Variants in PLEKHH2 observed in about 807,000 individuals in gnomAD.
The protein encoded by PLEKHH2 is pleckstrin homology domain-containing family H member 2.
PLEKHH2 carries 129 observed loss-of-function variants against 187.9 expected under a neutral mutation model. The observed-to-expected ratio is 0.69, with a 90% CI of 0.59 to 0.79. PLEKHH2 has a LOEUF of 0.79. PLEKHH2 is among the 30% of genes least tolerant of loss of function. PLEKHH2 has a pLI of 0.00. For missense variants in PLEKHH2, 2,076 were observed against 1,751.2 expected (o/e 1.19, Z -3.31); for synonymous variants, 686 against 605.6 (o/e 1.13, Z -1.95).
At chr2:43,671,176 C>A (rs746549244) in intron 2 of PLEKHH2, among the ~76,000 whole-genome samples, 1 of 151,438 alleles carries the variant, frequency 6.6e-6, no homozygotes, top group Non-Finnish European at 1.5e-5. Flanking sequence ...TAGTAGAGAC[C>A]GGGTTTTACC....
chr2:43,703,916 CTTTTTTTTTTTT>C (rs10530805), intron 8 of PLEKHH2, 53 bp from the exon 9 acceptor site: 111 of 387,370 alleles, frequency 2.9e-4, no homozygotes, highest in African/African-American at 4.0e-4. Context: ...TGAAAGTAGT[CTTTTTTTTTTTT>C]TTTTTTTTTT....
chr2:43,720,887 C>G lies in PLEKHH2; in HGVS notation c.2541+138C>G. The G allele has an allele frequency of 8.4e-6, 11 of 1,312,994 alleles. No individual in the cohort carries two copies. In the South Asian group the frequency reaches 1.7e-4, roughly 20 times the overall value. The allele number at this position is 1,312,994 out of a possible 1,614,324, so 81.3% of individuals were successfully genotyped here. A position where few individuals can be genotyped will look rare whatever the true frequency, so the allele number is the denominator to read the frequency against. On this transcript the variant is annotated intron_variant, in intron 16 of 29. Coordinates refer to ENST00000282406, the MANE Select transcript of PLEKHH2 (RefSeq NM_172069.4). ...TGAAATTTGGTATAATTTGGTGCAACTGAGAAAATCACACAAAGGTCTATC... is the reference window on the plus strand; with the variant it reads ...TGAAATTTGGTATAATTTGGTGCAAGTGAGAAAATCACACAAAGGTCTATC...
chr2:43,683,281 G>A (rs1049665813), intron 3 of PLEKHH2, among the ~76,000 whole-genome samples: 2 of 151,732 alleles, frequency 1.3e-5, no homozygotes, highest in African/African-American at 4.8e-5. Flanking sequence ...GAGTAGCTGG[G>A]ATTACAGGCA....
intron 25 of PLEKHH2, among the ~76,000 whole-genome samples, chr2:43,756,691 C>T (rs1672222905): frequency 6.6e-6 from 1 of 152,116 alleles, no homozygotes; most frequent in Non-Finnish European, 1.5e-5. Flanking sequence ...CTCACGCTTG[C>T]AATCCCAACA....
At chr2:43,740,889 G>C (rs1368071051) in intron 20 of PLEKHH2, 57 bp from the exon 21 acceptor site, 1 of 1,595,572 alleles carries the variant, frequency 6.3e-7, no homozygotes, top group Admixed American at 1.7e-5. Flanking sequence ...CACTCACTCA[G>C]ATGTGGATCT....
chr2:43,713,792 C>T (rs528246121), intron 15 of PLEKHH2, among the ~76,000 whole-genome samples: 83 of 151,760 alleles, frequency 5.5e-4, no homozygotes, highest in African/African-American at 1.8e-3. Context: ...TTCATGTACT[C>T]TGATTATGTA....
chr2:43,754,205 C>CACAAAAAAA (rs1553353833), intron 25 of PLEKHH2, among the ~76,000 whole-genome samples: 1 of 143,078 alleles, frequency 7.0e-6, no homozygotes, highest in African/African-American at 2.7e-5. Context: ...CACACACACA[C>CACAAAAAAA]AAAATTAATA....
chr2:43,699,495 A>T, intron 7 of PLEKHH2, 152 bp from the exon 8 acceptor site: 1 of 891,980 alleles, frequency 1.1e-6, no homozygotes, highest in South Asian at 1.8e-5. Context: ...ATCCTGCCTC[A>T]GCCTCCCAAG....
intron 16 of PLEKHH2, among the ~76,000 whole-genome samples, chr2:43,723,868 G>A (rs1231632155): frequency 6.6e-6 from 1 of 152,132 alleles, no homozygotes; most frequent in East Asian, 1.9e-4. Context: ...TAGACCGGAG[G>A]GAATAAGGAG....
At position 43,712,230 on chromosome 2, in the gene PLEKHH2, C is replaced by G. The variant is rs1322119293; in HGVS notation, c.2307C>G (p.Thr769=). 6.2e-7 allele frequency: 1 copy of G among 1,612,106 alleles called. No homozygotes were observed. The highest frequency in any genetic ancestry group is 1.1e-5 in the South Asian group (1 of 91,004). Residue 769 remains threonine, a synonymous_variant, in exon 15 of 30, where the codon ACC becomes ACG. Transcript: ENST00000282406. ...CCTTTCTCGTTGCATTCTAGTTGAC[C>G]ACTGAAAAACACACATACTATCTGA... ...RGDNKQTVQL[T]TEKHTYYLTA...
intron 19 of PLEKHH2, among the ~76,000 whole-genome samples, chr2:43,733,418 C>T (rs1332096937): frequency 6.6e-6 from 1 of 151,842 alleles, no homozygotes; most frequent in African/African-American, 2.4e-5. Context: ...TTCTCCTCCA[C>T]TCCTCCAGCC....
At chr2:43,653,198 C>T (rs1666574584) in intron 2 of PLEKHH2, among the ~76,000 whole-genome samples, 1 of 151,884 alleles carries the variant, frequency 6.6e-6, no homozygotes, top group Admixed American at 6.6e-5. Flanking sequence ...TACCAAGAAC[C>T]TACCATAACA....
chr2:43,686,238 C>G (rs1394355576), intron 3 of PLEKHH2, among the ~76,000 whole-genome samples: 1 of 151,880 alleles, frequency 6.6e-6, no homozygotes, highest in Non-Finnish European at 1.5e-5. Flanking sequence ...GCTCTGTCGC[C>G]CAGGCTGGAG....
rs759005647 is a variant in PLEKHH2, at chr2:43,699,700, G to C, written c.742G>C (p.Gly248Arg). The C allele has an allele frequency of 5.0e-6, 8 of 1,614,114 alleles. No individual in the cohort carries two copies. Among genetic ancestry groups the C allele is most frequent in the African/African-American group, 1.3e-5 (1 of 75,042 alleles). Residue 248 changes from glycine to arginine, a missense_variant, in exon 8 of 30, where the codon GGC (glycine) becomes CGC (arginine). Gly to Arg is a moderately radical substitution (Grantham distance 125). Coordinates refer to ENST00000282406, the MANE Select transcript of PLEKHH2 (RefSeq NM_172069.4). ...TAACCAAGTTCTAGAAAACAACAGA[G>C]GCCAGAGAACATTGCATCAAACCCC... ...VDNQVLENNR[G>R]QRTLHQTPCG...
At chr2:43,754,869 CTTTTTTT>C (rs3066318) in intron 25 of PLEKHH2, among the ~76,000 whole-genome samples, 1 of 108,782 alleles carries the variant, frequency 9.2e-6, no homozygotes, top group Admixed American at 1.0e-4. Flanking sequence ...TTAAAATCAA[CTTTTTTT>C]TTTTTTTTTT....
intron 4 of PLEKHH2, among the ~76,000 whole-genome samples, chr2:43,692,939 A>T (rs993165486): frequency 2.0e-5 from 3 of 152,122 alleles, no homozygotes; most frequent in African/African-American, 7.2e-5. Flanking sequence ...TCTGAGACAG[A>T]GTCTTGCTCT....
At chr2:43,706,668 C>A (rs1182060820) in intron 10 of PLEKHH2, among the ~76,000 whole-genome samples, 2 of 152,106 alleles carry the variant, frequency 1.3e-5, no homozygotes, top group Non-Finnish European at 2.9e-5. Flanking sequence ...CTCCCCATGG[C>A]CATGAATTGT....
intron 2 of PLEKHH2, chr2:43,658,783 A>G (rs1666916057): frequency 6.6e-6 from 1 of 152,194 alleles, no homozygotes; most frequent in Non-Finnish European, 1.5e-5. Context: ...GTCATACTTC[A>G]TCATTTCCAC....
intron 2 of PLEKHH2, among the ~76,000 whole-genome samples, chr2:43,653,702 A>C (rs957151280): frequency 6.6e-6 from 1 of 152,214 alleles, no homozygotes; most frequent in African/African-American, 2.4e-5. Flanking sequence ...TGGCTTAAAA[A>C]CATGAAATTG....
Sources: allele counts gnomAD v4.1 joint callset (sites outside exome capture counted in the v4.1 genomes callset), GRCh38; gene constraint gnomAD v4.1.1; transcripts MANE v1.5; gene names NCBI Gene and HGNC (gene_info 2026-07-23, HGNC 2026-07-21).